The following GABRR3 variants were observed in gnomAD, a reference collection of about 807,000 sequenced individuals.
The protein encoded by GABRR3 is gamma-aminobutyric acid receptor subunit rho-3.
In GABRR3, 29 loss-of-function variants were observed where a neutral mutation model predicts 43.2. That is an observed-to-expected ratio of 0.67 (90% confidence interval 0.50 to 0.92). The LOEUF is 0.92. Among genes scored for constraint, GABRR3 ranks in the 40% least tolerant of loss-of-function variants. The probability of loss-of-function intolerance (pLI) is 0.00; values close to 1 mark genes in which losing one functional copy is unlikely to be tolerated. For synonymous variants in GABRR3, 206 were observed against 195.9 expected (o/e 1.05, Z -0.43); for missense variants, 576 against 572.3 (o/e 1.01, Z -0.07).
At chr3:98,010,803 T>A (rs1290450404) in intron 5 of GABRR3, among the ~76,000 whole-genome samples, 3 of 152,128 alleles carry the variant, frequency 2.0e-5, no homozygotes, top group African/African-American at 7.2e-5. Flanking sequence ...ACTCCTGACT[T>A]AAAAGTCCTA....
At chr3:98,035,303 G>A (rs832068) in exon 1 of GABRR3, 134,887 of 278,912 alleles carry the variant, frequency 0.48, 32,981 homozygotes, top group Admixed American at 0.54. Context: ...TCCATACTCA[G>A]TAAACCCTCA....
At chr3:98,002,768 C>G (rs1706668169) in intron 7 of GABRR3, among the ~76,000 whole-genome samples, 2 of 151,936 alleles carry the variant, frequency 1.3e-5, no homozygotes, top group Admixed American at 1.3e-4. Flanking sequence ...TAACATTATT[C>G]AAAACACAGG....
At chr3:97,995,028 G>T (rs1468479304) in intron 8 of GABRR3, among the ~76,000 whole-genome samples, 1 of 151,976 alleles carries the variant, frequency 6.6e-6, no homozygotes, top group Non-Finnish European at 1.5e-5. Flanking sequence ...CCCCAGGCTG[G>T]AGTGCAGTGG....
chr3:97,989,632 T>C (rs1706436733), intron 9 of GABRR3, among the ~76,000 whole-genome samples: 1 of 152,030 alleles, frequency 6.6e-6, no homozygotes, highest in Admixed American at 6.5e-5. Flanking sequence ...CTCATCATCC[T>C]TTGGCCACTC....
At chr3:98,002,550 A>C (rs372899956) in intron 7 of GABRR3, among the ~76,000 whole-genome samples, 1 of 152,164 alleles carries the variant, frequency 6.6e-6, no homozygotes, top group Non-Finnish European at 1.5e-5. Flanking sequence ...TACACATACC[A>C]GGATATATAT....
At chr3:97,986,825 C>T (rs141112061) in exon 10 of GABRR3, 22 of 1,612,450 alleles carry the variant, frequency 1.4e-5, no homozygotes, top group Middle Eastern at 1.7e-4. Flanking sequence ...TCTCTTTATC[C>T]GAGATGAATC....
chr3:97,999,437 A>T (rs1372707073), intron 8 of GABRR3: 2 of 152,130 alleles, frequency 1.3e-5, no homozygotes, highest in African/African-American at 4.8e-5. Flanking sequence ...GTAGTATCTG[A>T]AGGTGAAGTC....
rs1175571210 is a variant in GABRR3, at chr3:98,025,694, G to C, written c.126-15C>G. On this transcript the variant is annotated splice_polypyrimidine_tract_variant and intron_variant, in intron 2 of 9. Transcript: ENST00000621172. The stretch of plus-strand genomic sequence containing the variant: ...TTTCTTGTTTGCTGTTCCCCCAAAG[G>C]GAAAAAAAAAACTTCTGAGATACAT... 3 of 1,560,664 alleles carry C rather than the reference G, an allele frequency of 1.9e-6. No homozygotes were observed. Among genetic ancestry groups the C allele is most frequent in the Non-Finnish European group, 2.6e-6 (3 of 1,148,188 alleles).
At chr3:98,003,503 G>A (rs1430768926) in intron 7 of GABRR3, among the ~76,000 whole-genome samples, 5 of 151,636 alleles carry the variant, frequency 3.3e-5, no homozygotes, top group Non-Finnish European at 7.4e-5. Flanking sequence ...TAGACTAGGG[G>A]TGGTATTTTA....
intron 8 of GABRR3, among the ~76,000 whole-genome samples, chr3:97,997,011 G>A (rs576922534): frequency 1.3e-5 from 2 of 152,216 alleles, no homozygotes; most frequent in South Asian, 2.1e-4. Context: ...TGTGCTACTC[G>A]CTGAAGGAAC....
At chr3:98,013,636 A>G (rs920591175) in intron 4 of GABRR3, among the ~76,000 whole-genome samples, 1 of 152,214 alleles carries the variant, frequency 6.6e-6, no homozygotes, top group Non-Finnish European at 1.5e-5. Context: ...TGAATGAGTC[A>G]CCAATTAATT....
chr3:98,023,614 G>A (rs563260289), intron 3 of GABRR3, among the ~76,000 whole-genome samples: 1 of 151,990 alleles, frequency 6.6e-6, no homozygotes, highest in Non-Finnish European at 1.5e-5. Context: ...AGTTGAGAAC[G>A]GTCGTAAGGA....
rs374287030 is a variant in GABRR3 at position 98,013,939 on chromosome 3, C to T, written c.307-1372G>A. On this transcript the variant is annotated intron_variant, in intron 4 of 9. Coordinates refer to ENST00000621172, the Ensembl canonical transcript of GABRR3. ...GTCTGTGATATAGCAAGTCACCACACGCTGGCACTATCAGGAGCAGGCCAA... is the reference window on the plus strand; with the variant it reads ...GTCTGTGATATAGCAAGTCACCACATGCTGGCACTATCAGGAGCAGGCCAA... 2.6e-5 allele frequency among the ~76,000 whole-genome samples: 4 copies of T among 152,140 alleles called. No homozygotes were observed. In the South Asian group the frequency reaches 6.2e-4, roughly 24 times the overall value.
intron 3 of GABRR3, among the ~76,000 whole-genome samples, chr3:98,025,362 C>T (rs1706997449): frequency 6.6e-6 from 1 of 152,172 alleles, no homozygotes; most frequent in South Asian, 2.1e-4. Flanking sequence ...CTACAGTGTG[C>T]ATAGTAGGAA....
intron 3 of GABRR3, among the ~76,000 whole-genome samples, chr3:98,018,212 C>T (rs1011384165): frequency 6.6e-6 from 1 of 152,064 alleles, no homozygotes; most frequent in Admixed American, 6.6e-5. Flanking sequence ...AAAATATCAG[C>T]CTTTTCCATT....
intron 8 of GABRR3, chr3:97,998,559 G>C (rs1232982011): frequency 5.3e-5 from 8 of 152,096 alleles, no homozygotes; most frequent in African/African-American, 1.9e-4. Context: ...ATTATCACTT[G>C]CTGAGTTTTG....
downstream of GABRR3, among the ~76,000 whole-genome samples, chr3:97,986,305 A>C (rs1258835152): frequency 2.0e-5 from 3 of 152,232 alleles, no homozygotes; most frequent in Non-Finnish European, 4.4e-5. Flanking sequence ...GCTCTGGTAG[A>C]TAACCAGGCA....
At chr3:98,001,429 A>G (rs1706640135) in intron 8 of GABRR3, 186 bp downstream of exon 8, 2 of 598,830 alleles carry the variant, frequency 3.3e-6, no homozygotes, top group Admixed American at 3.0e-5. Context: ...CCGGGTTCCC[A>G]AGGAAAGAAC....
chr3:98,003,291 C>T (rs1475236638), intron 7 of GABRR3, among the ~76,000 whole-genome samples: 1 of 151,768 alleles, frequency 6.6e-6, no homozygotes, highest in Non-Finnish European at 1.5e-5. Context: ...ATAAGGAAAA[C>T]CTGTGAAAGA....
Sources: allele counts gnomAD v4.1 joint callset (sites outside exome capture counted in the v4.1 genomes callset), GRCh38; gene constraint gnomAD v4.1.1; transcripts MANE v1.5; gene names NCBI Gene and HGNC (gene_info 2026-07-23, HGNC 2026-07-21).